MYO1H: variants seen among roughly 807,000 people sequenced by gnomAD.
MYO1H encodes the protein myosin IH.
A neutral mutation model predicts 149.3 loss-of-function variants in MYO1H; 118 were observed. That is an observed-to-expected ratio of 0.79 (90% CI 0.68 to 0.92). The LOEUF is 0.92. MYO1H is among the 40% of genes least tolerant of loss of function. The probability of loss-of-function intolerance (pLI) is 0.00; values close to 1 mark genes in which losing one functional copy is unlikely to be tolerated. For synonymous variants in MYO1H, 447 were observed against 465.2 expected (o/e 0.96, Z 0.50); for missense variants, 1,212 against 1,280.7 (o/e 0.95, Z 0.82).
At position 109,405,868 on chromosome 12, in the gene MYO1H, C is replaced by T. The variant is rs182113994; in HGVS notation, c.850-54C>T. On this transcript the variant is annotated intron_variant, in intron 7 of 31. Transcript: ENST00000310903. ...TGACATGTATCAATTAGGCGGCCACCGTTCTCTTTCCCTGTCCTGATCTCC... is the reference window on the plus strand; with the variant it reads ...TGACATGTATCAATTAGGCGGCCACTGTTCTCTTTCCCTGTCCTGATCTCC... The T allele has an allele frequency of 2.1e-4, 275 of 1,301,552 alleles. 3 individuals are homozygous for T. The African/African-American group carries it at 2.5e-3, about 12-fold the overall frequency. 80.6% of individuals were successfully genotyped at this position (1,301,552 alleles called of 1,614,324 possible). A position where few individuals can be genotyped will look rare whatever the true frequency, so the allele number is the denominator to read the frequency against.
At chr12:109,359,772 C>G (rs1047107945) in intron 1 of MYO1H, among the ~76,000 whole-genome samples, 3 of 152,206 alleles carry the variant, frequency 2.0e-5, no homozygotes, top group Non-Finnish European at 4.4e-5. Flanking sequence ...TTGTGCGGAC[C>G]TGTTTCAATG....
At chr12:109,341,206 AGCCAGATTTCAGCGTTCCATCTC>A in the MYO1H span, among the ~76,000 whole-genome samples, 3 of 140,310 alleles carry the variant, frequency 2.1e-5, no homozygotes, top group Non-Finnish European at 1.5e-5. Flanking sequence ...AAAAAAAAAA[AGCCAGATTTCAGCGTTCCATCTC>A]AAAAAAAAAA....
At chr12:109,335,231 T>C in the MYO1H span, among the ~76,000 whole-genome samples, 15 of 152,150 alleles carry the variant, frequency 9.9e-5, no homozygotes, top group African/African-American at 3.4e-4. Context: ...TATTGATGTT[T>C]CTGGGGAGGC....
rs748495443 is a variant in MYO1H at position 109,441,714 on chromosome 12, T to C, written c.2632+6T>C. ...CTTTGTCAACAGTCGGATAGGTAAG[T>C]ACATTTTCCAGCCTATGTACTTGGC... is the stretch of plus-strand genomic sequence containing the variant. On this transcript the variant is annotated splice_donor_region_variant and intron_variant, in intron 26 of 31. Coordinates refer to ENST00000310903, the Ensembl canonical transcript of MYO1H. 1 of 1,600,272 alleles carries C rather than the reference T, an allele frequency of 6.2e-7. No individual in the cohort carries two copies. Among genetic ancestry groups the C allele is most frequent in the South Asian group, 1.1e-5 (1 of 89,844 alleles).
chr12:109,433,754 T>C (rs1203890633), intron 20 of MYO1H, among the ~76,000 whole-genome samples: 1 of 152,060 alleles, frequency 6.6e-6, no homozygotes, highest in Admixed American at 6.6e-5. Flanking sequence ...ATCAGTTACT[T>C]AGTCAGTCCA....
At chr12:109,427,719 A>G (rs951821064) in intron 19 of MYO1H, 133 bp downstream of exon 19, 3 of 626,426 alleles carry the variant, frequency 4.8e-6, no homozygotes, top group Non-Finnish European at 8.8e-6. Context: ...TAGTTATGAC[A>G]GCTAAAAACA....
chr12:109,397,594 G>T, intron 4 of MYO1H, 138 bp from the exon 5 acceptor site: 2 of 561,266 alleles, frequency 3.6e-6, no homozygotes, highest in Admixed American at 3.7e-5. Flanking sequence ...TTCCTTCTTA[G>T]AAGATAAAGC....
At chr12:109,345,721 T>C (rs756127426), upstream of MYO1H, among the ~76,000 whole-genome samples, 13 of 152,198 alleles carry the variant, frequency 8.5e-5, no homozygotes, top group Non-Finnish European at 1.9e-4. Flanking sequence ...CATCAACTGA[T>C]GGATAAACAA....
chr12:109,443,791 T>TTCCGAGTAGCTGAG, intron 28 of MYO1H, 142 bp downstream of exon 28: 1 of 852,510 alleles, frequency 1.2e-6, no homozygotes, highest in Non-Finnish European at 1.8e-6. Context: ...TAGTCTCAGC[T>TTCCGAGTAGCTGAG]ACTCGGAAGG....
the MYO1H span, among the ~76,000 whole-genome samples, chr12:109,316,190 C>T: frequency 6.6e-6 from 1 of 152,086 alleles, no homozygotes; most frequent in African/African-American, 2.4e-5. Context: ...GGAGCTCTTC[C>T]TTTGTCCACA....
At chr12:109,358,842 G>C (rs900260436) in intron 1 of MYO1H, among the ~76,000 whole-genome samples, 2 of 102,750 alleles carry the variant, frequency 1.9e-5, no homozygotes, top group African/African-American at 1.1e-4. Context: ...GCATCCTGTG[G>C]TGTTAAAAAA....
At position 109,443,393 on chromosome 12, in the gene MYO1H, CAT is replaced by C. The variant is rs1341439477; in HGVS notation, c.2689-119_2689-118del. The C allele has an allele frequency of 7.2e-4, 611 of 853,310 alleles. 4 individuals are homozygous for C. Among genetic ancestry groups the C allele is most frequent in the South Asian group, 3.8e-3 (216 of 57,342 alleles). 52.9% of individuals were successfully genotyped at this position (853,310 alleles called of 1,614,324 possible). A position where few individuals can be genotyped will look rare whatever the true frequency, so the allele number is the denominator to read the frequency against. On this transcript the variant is annotated intron_variant, in intron 27 of 31. Transcript: ENST00000310903. ...ACACACACACACACACACACACACA[CAT>C]ACACGCAAAATCTGTTTGAGCTTTT... is the stretch of plus-strand genomic sequence containing the variant.
rs764150151 is a variant in MYO1H at position 109,435,053 on chromosome 12, C to T, written c.2080C>T (p.Arg694Cys). The change falls in exon 21 of 32, where the codon CGT (arginine) becomes TGT (cysteine). Residue 694 changes from arginine (R) to cysteine (C), a missense_variant. Physicochemically the swap from Arg to Cys is radical, Grantham distance 180. Transcript: ENST00000310903. The stretch of plus-strand genomic sequence containing the variant: ...CACTTCTAGAACCAAAATATTCATT[C>T]GTTTCCCCAGAACTCTGTTTGCTAC... 21 of 1,606,538 alleles carry T rather than the reference C, an allele frequency of 1.3e-5. 1 individual carries two copies. The highest frequency in any genetic ancestry group is 2.7e-5 in the African/African-American group (2 of 74,648).
chr12:109,436,341 G>C, intron 21 of MYO1H, 147 bp from the exon 22 acceptor site: 3 of 605,030 alleles, frequency 5.0e-6, no homozygotes, highest in Non-Finnish European at 9.1e-6. Context: ...TCTCAGGTCT[G>C]CAGTGCTGAA....
intron 18 of MYO1H, among the ~76,000 whole-genome samples, chr12:109,426,330 G>A (rs1180730453): frequency 3.9e-5 from 6 of 152,034 alleles, no homozygotes; most frequent in South Asian, 2.1e-4. Flanking sequence ...CAAAAAATGC[G>A]AAAATTAGCC....
intron 1 of MYO1H, among the ~76,000 whole-genome samples, chr12:109,357,712 A>G (rs34850287): frequency 9.3e-6 from 1 of 107,586 alleles, no homozygotes; most frequent in Non-Finnish European, 1.9e-5. Flanking sequence ...TTTTCTCCCA[A>G]CCATTTCTCA....
At chr12:109,326,571 A>C in the MYO1H span, among the ~76,000 whole-genome samples, 7 of 150,080 alleles carry the variant, frequency 4.7e-5, no homozygotes, top group Non-Finnish European at 7.4e-5. Context: ...GTTCAGTCTG[A>C]AGTGTAGTGG....
chr12:109,351,850 C>A (rs1868466321), intron 1 of MYO1H, among the ~76,000 whole-genome samples: 1 of 152,204 alleles, frequency 6.6e-6, no homozygotes, highest in Admixed American at 6.5e-5. Flanking sequence ...CATTTAGTCT[C>A]TGCTTGGTAA....
the MYO1H span, among the ~76,000 whole-genome samples, chr12:109,326,169 C>T: frequency 2.0e-5 from 3 of 152,338 alleles, no homozygotes; most frequent in African/African-American, 2.4e-5. Flanking sequence ...GCTGGCCTGC[C>T]GGTGCCTGTC....
Sources: gnomAD v4.1 joint callset for allele counts (sites outside exome capture counted in the v4.1 genomes callset) on GRCh38, gnomAD v4.1.1 for gene constraint, MANE v1.5 for transcripts, NCBI Gene and HGNC (gene_info 2026-07-23, HGNC 2026-07-21) for gene names.